Variants in YWHAH observed in about 807,000 individuals in gnomAD.
The protein encoded by YWHAH is tyrosine 3-monooxygenase/tryptophan 5-monooxygenase activation protein eta, also known as 14-3-3 protein eta.
YWHAH carries 6 observed loss-of-function variants against 22.9 expected under a neutral mutation model. The observed-to-expected ratio is 0.26, with a 90% CI of 0.14 to 0.52. YWHAH has a LOEUF of 0.52. Among genes scored for constraint, YWHAH ranks in the 20% least tolerant of loss-of-function variants. The pLI, the probability that YWHAH is intolerant of heterozygous loss-of-function variation, is 0.97. For missense variants in YWHAH, 173 were observed against 308.6 expected (o/e 0.56, Z 3.29); for synonymous variants, 135 against 124.5 (o/e 1.08, Z -0.56).
At chr22:31,948,127 G>T (rs1569274656) in intron 1 of YWHAH, among the ~76,000 whole-genome samples, 1 of 152,070 alleles carries the variant, frequency 6.6e-6, no homozygotes, top group Admixed American at 6.6e-5. Context: ...TCACCTCCCC[G>T]AGTGCCAGGG....
intron 1 of YWHAH, chr22:31,950,293 A>C: frequency 1.3e-6 from 1 of 778,918 alleles, no homozygotes. Flanking sequence ...CAGGCCCCAA[A>C]ATTTCTGTCT....
rs1181359808 is a variant in YWHAH, at chr22:31,957,522, A to G, written c.*730A>G. 3 of 152,550 alleles carry G rather than the reference A, an allele frequency of 2.0e-5. No homozygotes were observed. Among genetic ancestry groups the G allele is most frequent in the East Asian group, 1.9e-4 (1 of 5,176 alleles). 9.4% of individuals were successfully genotyped at this position (152,550 alleles called of 1,614,324 possible). On this transcript the variant is annotated 3_prime_UTR_variant, in exon 2 of 2. Transcript: ENST00000248975. ...TGTGTGTCAGCCCATGTCAATCAAGATGGGTGATTATGAAATGCCAGACTT... is the reference window on the plus strand; with the variant it reads ...TGTGTGTCAGCCCATGTCAATCAAGGTGGGTGATTATGAAATGCCAGACTT...
rs557406783 is a variant in YWHAH at position 31,950,076 on chromosome 22, C to CTTTT, written c.87+5291_87+5294dup. Reference sequence around the variant, plus strand: ...TTGCTTGTTCTGAAGGCTTGGAGGCCTTTTTTTTTTTTTTTTTTTTTTTTT... The same window carrying CTTTT: ...TTGCTTGTTCTGAAGGCTTGGAGGCCTTTTTTTTTTTTTTTTTTTTTTTTTTTTT... On this transcript the variant is annotated intron_variant, in intron 1 of 1. Transcript: ENST00000248975. Among the ~76,000 whole-genome samples, 15 of 42,194 alleles carry CTTTT rather than the reference C, an allele frequency of 3.6e-4. 3 individuals carry two copies. The highest frequency in any genetic ancestry group is 5.9e-4 in the Non-Finnish European group (12 of 20,412). 27.7% of individuals were successfully genotyped at this position (42,194 alleles called of 152,430 possible). A position where few individuals can be genotyped will look rare whatever the true frequency, so the allele number is the denominator to read the frequency against.
chr22:31,945,211 C>T, intron 1 of YWHAH: 3 of 1,118,482 alleles, frequency 2.7e-6, no homozygotes, highest in Non-Finnish European at 2.2e-6. Context: ...CCTCCGTTCC[C>T]CAACTTGGAA....
intron 1 of YWHAH, among the ~76,000 whole-genome samples, chr22:31,951,243 G>A (rs893757437): frequency 6.6e-5 from 10 of 151,916 alleles, no homozygotes; most frequent in African/African-American, 2.2e-4. Context: ...ACACATACAC[G>A]TACACACACA....
At chr22:31,951,380 C>G (rs1317785362) in intron 1 of YWHAH, among the ~76,000 whole-genome samples, 2 of 152,066 alleles carry the variant, frequency 1.3e-5, no homozygotes, top group Non-Finnish European at 2.9e-5. Context: ...AAGGATGAGC[C>G]CATAGCATGT....
intron 1 of YWHAH, among the ~76,000 whole-genome samples, chr22:31,949,829 G>A (rs1322836520): frequency 6.6e-6 from 1 of 152,168 alleles, no homozygotes; most frequent in Non-Finnish European, 1.5e-5. Flanking sequence ...GCCCCATGAG[G>A]CAAAGGGATA....
intron 1 of YWHAH, among the ~76,000 whole-genome samples, chr22:31,946,906 A>G (rs1307102378): frequency 6.6e-6 from 1 of 152,218 alleles, no homozygotes; most frequent in African/African-American, 2.4e-5. Context: ...AGAAGAGTCA[A>G]TCCAAGCTTT....
rs181709871 is a variant in YWHAH, at chr22:31,945,814, A to T, written c.87+994A>T. ...AACTCCGCCTTAGACCTATACATTC[A>T]GAAATTCGGGCGGTGAGACTCAGAC... On this transcript the variant is annotated intron_variant, in intron 1 of 1. Transcript: ENST00000248975. The T allele has an allele frequency of 1.6e-3, 1,021 of 648,660 alleles. 7 individuals are homozygous for T. In the African/African-American group the frequency reaches 0.018, roughly 11 times the overall value. 40.2% of individuals were successfully genotyped at this position (648,660 alleles called of 1,614,324 possible).
intron 1 of YWHAH, among the ~76,000 whole-genome samples, chr22:31,951,329 A>G (rs112529817): frequency 3.3e-5 from 5 of 152,220 alleles, no homozygotes; most frequent in Admixed American, 6.5e-5. Flanking sequence ...ACTCATATCA[A>G]AAGCAAGCTG....
intron 1 of YWHAH, among the ~76,000 whole-genome samples, chr22:31,951,469 G>A (rs529213163): frequency 2.3e-4 from 35 of 152,268 alleles, no homozygotes; most frequent in Non-Finnish European, 4.6e-4. Context: ...CTGGCAGCTC[G>A]GGGGTGGCAT....
chr22:31,945,924 C>A (rs1264517583), intron 1 of YWHAH, among the ~76,000 whole-genome samples: 1 of 152,138 alleles, frequency 6.6e-6, no homozygotes, highest in Non-Finnish European at 1.5e-5. Context: ...TAAATGTATC[C>A]TTTGCTGGCC....
chr22:31,945,556 G>C (rs924778556), intron 1 of YWHAH: 1 of 1,304,150 alleles, frequency 7.7e-7, no homozygotes, highest in Non-Finnish European at 1.0e-6. Context: ...CGATTCTGCA[G>C]CTTCTCCGGT....
chr22:31,953,021 C>A (rs142672132), intron 1 of YWHAH, among the ~76,000 whole-genome samples: 1 of 152,122 alleles, frequency 6.6e-6, no homozygotes, highest in African/African-American at 2.4e-5. Flanking sequence ...ATAATTATAC[C>A]GCCTTTTGTG....
chr22:31,947,553 C>T (rs554805883), intron 1 of YWHAH: 1 of 457,596 alleles, frequency 2.2e-6, no homozygotes, highest in South Asian at 1.6e-5. Context: ...GAGAACTTCT[C>T]TTCCCTGCTT....
intron 1 of YWHAH, among the ~76,000 whole-genome samples, chr22:31,948,981 G>A (rs539616407): frequency 3.3e-5 from 5 of 152,170 alleles, no homozygotes; most frequent in Admixed American, 6.5e-5. Flanking sequence ...TATTTTCTTT[G>A]GTGGGGATTT....
At chr22:31,952,618 A>G (rs938879744) in intron 1 of YWHAH, among the ~76,000 whole-genome samples, 1 of 152,166 alleles carries the variant, frequency 6.6e-6, no homozygotes, top group Non-Finnish European at 1.5e-5. Context: ...GCTTGCTGAG[A>G]TATGTTAGTC....
chr22:31,950,076 CTTTTTTTTTTTTTTTTTTTT>C (rs557406783), intron 1 of YWHAH, among the ~76,000 whole-genome samples: 48 of 42,192 alleles, frequency 1.1e-3, no homozygotes, highest in East Asian at 7.5e-3. Context: ...GCTTGGAGGC[CTTTTTTTTTTTTTTTTTTTT>C]TTTTTTTTTT....
rs998097531 is a variant in YWHAH at position 31,947,522 on chromosome 22, T to C, written c.87+2702T>C. Reference sequence around the variant, plus strand: ...GAAAAATCGTGCATACTGGAAACAATGGTCTTGCCTCAAACCTGTTGAGAA... The same window carrying C: ...GAAAAATCGTGCATACTGGAAACAACGGTCTTGCCTCAAACCTGTTGAGAA... On this transcript the variant is annotated intron_variant, in intron 1 of 1. Transcript: ENST00000248975. 5 of 470,486 alleles carry C rather than the reference T, an allele frequency of 1.1e-5. No individual in the cohort carries two copies. The Admixed American group carries it at 1.2e-4, about 11-fold the overall frequency. 29.1% of individuals were successfully genotyped at this position (470,486 alleles called of 1,614,324 possible). A position where few individuals can be genotyped will look rare whatever the true frequency, so the allele number is the denominator to read the frequency against.
Sources: allele counts gnomAD v4.1 joint callset (sites outside exome capture counted in the v4.1 genomes callset), GRCh38; gene constraint gnomAD v4.1.1; transcripts MANE v1.5; gene names NCBI Gene and HGNC (gene_info 2026-07-23, HGNC 2026-07-21).